ARMCX4: variants seen among roughly 807,000 people sequenced by gnomAD.
ARMCX4 encodes the protein armadillo repeat containing X-linked 4, also known as armadillo repeat-containing X-linked protein 4.
A neutral mutation model predicts 34.7 loss-of-function variants in ARMCX4; 3 were observed. The observed-to-expected ratio is 0.09, with a 90% CI of 0.04 to 0.22. ARMCX4 has a LOEUF of 0.22. Among genes scored for constraint, ARMCX4 ranks in the 10% least tolerant of loss-of-function variants. The pLI is 1.00. For missense variants in ARMCX4, 1,448 were observed against 1,720.8 expected (o/e 0.84, Z 2.81); for synonymous variants, 513 against 632.8 (o/e 0.81, Z 2.84).
Position 101,492,753 on chromosome X carries a change from C to T in ARMCX4, c.4164C>T (p.Ser1388=). Residue 1388 remains serine (S), a synonymous_variant, in exon 6 of 6, where the codon TCC becomes TCT. Transcript: ENST00000423738. The stretch of plus-strand genomic sequence containing the variant: ...CACTTGATCAGTCTGGTGGTGGGTC[C>T]AAGCCTAGATTTGAAAATCAGACCA... The part of the protein sequence containing the change: ...AGTLDQSGGG[S]KPRFENQTTE... 2 of 1,145,927 alleles carry T rather than the reference C, an allele frequency of 1.7e-6. No individual in the cohort carries two copies. Among genetic ancestry groups the T allele is most frequent in the Non-Finnish European group, 2.3e-6 (2 of 867,965 alleles). 94.4% of individuals were successfully genotyped at this position (1,145,927 alleles called of 1,213,427 possible).
At chrX:101,514,997 A>T (rs1455529884) in intron 11 of ARMCX4, among the ~76,000 whole-genome samples, 6 of 111,889 alleles carry the variant, frequency 5.4e-5, no homozygotes, top group Admixed American at 9.5e-5. Flanking sequence ...TTAACATCAG[A>T]CACCCTGAGA....
At chrX:101,531,588 A>C (rs1935128763) in intron 11 of ARMCX4, 1 of 112,163 alleles carries the variant, frequency 8.9e-6, no homozygotes. Flanking sequence ...GTACTGTGGC[A>C]AAATAATAGA....
rs1556008472 is a variant in ARMCX4 at position 101,490,480 on chromosome X, G to A, written c.1891G>A (p.Glu631Lys). 1 of 1,153,271 alleles carries A rather than the reference G, an allele frequency of 8.7e-7. No homozygotes were observed. The highest frequency in any genetic ancestry group is 1.1e-6 in the Non-Finnish European group (1 of 872,019). ...GEGTTDSAQP[E>K]AVVSFQGEAL... Reference sequence around the variant, plus strand: ...AGGTACAACAGACTCTGCCCAGCCTGAGGCAGTGGTCAGTTTCCAGGGTGA... The same window carrying A: ...AGGTACAACAGACTCTGCCCAGCCTAAGGCAGTGGTCAGTTTCCAGGGTGA... The change falls in exon 6 of 6, where the codon GAG (glutamate) becomes AAG (lysine). Residue 631 changes from glutamate to lysine, a missense_variant. Glu to Lys is a moderately conservative substitution (Grantham distance 56). Coordinates refer to ENST00000423738, the MANE Select transcript of ARMCX4 (RefSeq NM_001256155.3).
chrX:101,455,550 T>G (rs2147595415), intron 4 of ARMCX4, among the ~76,000 whole-genome samples: 1 of 112,267 alleles, frequency 8.9e-6, no homozygotes. Flanking sequence ...TATAATCTAC[T>G]TAAGAATTAC....
chrX:101,487,149 A>G (rs781918955), intron 2 of ARMCX4, 44 bp from the exon 3 acceptor site: 1 of 106,988 alleles, frequency 9.3e-6, no homozygotes, highest in South Asian at 4.3e-4. Flanking sequence ...AAGTGTCACA[A>G]GTACTTAACA....
intron 11 of ARMCX4, among the ~76,000 whole-genome samples, chrX:101,512,677 G>C (rs1472431166): frequency 4.6e-5 from 5 of 108,685 alleles, no homozygotes; most frequent in African/African-American, 1.7e-4. Flanking sequence ...AGATGGACTT[G>C]AGATAAATGC....
At chrX:101,526,538 C>A (rs1485157570) in intron 11 of ARMCX4, among the ~76,000 whole-genome samples, 5 of 111,851 alleles carry the variant, frequency 4.5e-5, no homozygotes, top group Admixed American at 3.8e-4. Context: ...CACAGACTGG[C>A]AAATTGGATA....
chrX:101,460,713 G>C (rs952522233), intron 4 of ARMCX4, among the ~76,000 whole-genome samples: 1 of 111,928 alleles, frequency 8.9e-6, no homozygotes, highest in South Asian at 3.7e-4. Flanking sequence ...AGTAAAGCTT[G>C]TCTAAAATGA....
In ARMCX4 at chrX:101,519,503, C is replaced by G. The variant is rs782088464; in HGVS notation, c.*1780+8448C>G. Among the ~76,000 whole-genome samples, 5 of 111,623 alleles carry G rather than the reference C, an allele frequency of 4.5e-5. No individual in the cohort carries two copies. The South Asian group carries it at 1.9e-3, about 42-fold the overall frequency. ...TCACATAGGCACAAGGGCAGAATTT[C>G]TTTCTTTTTAAAGACTGAATAACAC... On this transcript the variant is annotated intron_variant and NMD_transcript_variant, in intron 11 of 12. Coordinates refer to the ARMCX4 transcript ENST00000354842.
chrX:101,470,148 G>A (rs782209369), intron 4 of ARMCX4, among the ~76,000 whole-genome samples: 2 of 112,065 alleles, frequency 1.8e-5, no homozygotes, highest in Non-Finnish European at 3.8e-5. Flanking sequence ...CCTCAATTTT[G>A]GGGCTTGCCT....
At chrX:101,502,658 C>T (rs1934327214) in intron 7 of ARMCX4, among the ~76,000 whole-genome samples, 1 of 111,404 alleles carries the variant, frequency 9.0e-6, no homozygotes, top group Admixed American at 9.6e-5. Flanking sequence ...AGTACCTTTC[C>T]TTATCTATAG....
chrX:101,504,433 T>TTG (rs10555485), intron 7 of ARMCX4, among the ~76,000 whole-genome samples: 33 of 105,084 alleles, frequency 3.1e-4, no homozygotes, highest in South Asian at 1.3e-3. Context: ...TTTAATAAGT[T>TTG]TGTGTGTGTG....
At position 101,492,933 on chromosome X, in the gene ARMCX4, G is replaced by A. The variant is rs1231286946; in HGVS notation, c.4344G>A (p.Gly1448=). 1.7e-6 allele frequency: 2 copies of A among 1,154,037 alleles called. No individual in the cohort carries two copies. The highest frequency in any genetic ancestry group is 2.3e-6 in the Non-Finnish European group (2 of 872,250). ...GGATTGTGGACCAGGCCAATGGAGG[G>A]TCCTGGACTGGGGCTGGGCATCCAG... ...LVGIVDQANG[G]SWTGAGHPAS... is the part of the protein sequence containing the mutation. Residue 1448 remains glycine, a synonymous_variant, in exon 6 of 6, where the codon GGG becomes GGA. Coordinates refer to ENST00000423738, the MANE Select transcript of ARMCX4 (RefSeq NM_001256155.3).
chrX:101,530,290 C>A (rs191569193), intron 11 of ARMCX4, among the ~76,000 whole-genome samples: 26 of 111,123 alleles, frequency 2.3e-4, no homozygotes, highest in African/African-American at 8.5e-4. Flanking sequence ...ACAATGAGAA[C>A]ACTTGGACAC....
chrX:101,432,860 A>T (rs868928573), intron 2 of ARMCX4, among the ~76,000 whole-genome samples: 1 of 93,591 alleles, frequency 1.1e-5, no homozygotes, highest in African/African-American at 3.8e-5. Context: ...GTATATATAC[A>T]CGTATATATA....
rs1556008598 is a variant in ARMCX4, at chrX:101,490,730, C to T, written c.2141C>T (p.Ala714Val). 2 of 1,154,049 alleles carry T rather than the reference C, an allele frequency of 1.7e-6. No individual in the cohort carries two copies. The highest frequency in any genetic ancestry group is 1.8e-5 in the African/African-American group (1 of 55,943). Residue 714 changes from alanine (A) to valine (V), a missense_variant, in exon 6 of 6, where the codon GCC becomes GTC. This residue lies in a region of ARMCX4 where 1,343 missense variants were observed against 1,540.7 expected (regional missense o/e 0.87). Coordinates refer to ENST00000423738, the MANE Select transcript of ARMCX4 (RefSeq NM_001256155.3). ...GGCTCTGTCCAGCCCCAGATTGTGGCCAATTCCCAGGGTGAGGTCTTGCCT... is the reference window on the plus strand; with the variant it reads ...GGCTCTGTCCAGCCCCAGATTGTGGTCAATTCCCAGGGTGAGGTCTTGCCT... ...TTGSVQPQIV[A>V]NSQGEVLPGA...
At chrX:101,522,344 C>A (rs1934872549) in intron 11 of ARMCX4, among the ~76,000 whole-genome samples, 2 of 111,481 alleles carry the variant, frequency 1.8e-5, no homozygotes, top group African/African-American at 6.5e-5. Context: ...CATGGTATAT[C>A]TTTTTCTGTC....
chrX:101,503,823 G>T (rs1295597559), intron 7 of ARMCX4, among the ~76,000 whole-genome samples: 1 of 110,835 alleles, frequency 9.0e-6, no homozygotes, highest in African/African-American at 3.3e-5. Context: ...GGCTTTTGTT[G>T]CCATTGCTTT....
intron 2 of ARMCX4, among the ~76,000 whole-genome samples, chrX:101,436,071 G>A (rs1318063325): frequency 1.8e-5 from 2 of 111,041 alleles, no homozygotes; most frequent in Non-Finnish European, 3.8e-5. Flanking sequence ...TTGAAGTCAG[G>A]TAGCGTGATG....
Sources: allele counts gnomAD v4.1 joint callset (sites outside exome capture counted in the v4.1 genomes callset), GRCh38; gene constraint gnomAD v4.1.1; regional missense constraint gnomAD v4.1.1; transcripts MANE v1.5; gene names NCBI Gene and HGNC (gene_info 2026-07-23, HGNC 2026-07-21).